Variants in CNTN5 observed in about 807,000 individuals in gnomAD.
CNTN5 encodes the protein contactin 5.
In CNTN5, 77 loss-of-function variants were observed where a neutral mutation model predicts 129.1. That is an observed-to-expected ratio of 0.60 (90% CI 0.50 to 0.72). CNTN5 has a LOEUF of 0.72. Ranked by LOEUF, CNTN5 falls within the 30% of genes least tolerant of loss-of-function variation. CNTN5 has a pLI of 0.00. For missense variants in CNTN5, 1,478 were observed against 1,328.8 expected (o/e 1.11, Z -1.75); for synonymous variants, 509 against 465.6 (o/e 1.09, Z -1.20).
At chr11:99,934,872 CTGTGTGTGTG>C (rs369560126) in intron 7 of CNTN5, among the ~76,000 whole-genome samples, 4 of 50,120 alleles carry the variant, frequency 8.0e-5, no homozygotes, top group Admixed American at 2.6e-4. Context: ...GAGACTCAGT[CTGTGTGTGTG>C]TGTGTGTGTG....
intron 24 of CNTN5, among the ~76,000 whole-genome samples, chr11:100,355,547 G>A (rs182174762): frequency 7.9e-4 from 120 of 151,844 alleles, no homozygotes; most frequent in Non-Finnish European, 1.0e-3. Context: ...TACATTATAC[G>A]TTTATACAAC....
intron 6 of CNTN5, among the ~76,000 whole-genome samples, chr11:99,902,589 CA>C (rs1754223742): frequency 6.6e-6 from 1 of 152,022 alleles, no homozygotes; most frequent in African/African-American, 2.4e-5. Flanking sequence ...AAAACAGAAG[CA>C]AAAATCAAAA....
chr11:100,044,616 TTG>T (rs1289902284), intron 9 of CNTN5, among the ~76,000 whole-genome samples: 1 of 152,088 alleles, frequency 6.6e-6, no homozygotes, highest in Admixed American at 6.6e-5. Context: ...TTGGCCATTT[TTG>T]TGTCTTTTTT....
At chr11:100,168,329 T>TAGAGA (rs1376466397) in intron 13 of CNTN5, among the ~76,000 whole-genome samples, 2 of 151,940 alleles carry the variant, frequency 1.3e-5, no homozygotes, top group African/African-American at 4.8e-5. Context: ...CTTCCAAAGC[T>TAGAGA]AGAGAAGAGA....
At chr11:99,244,271 T>C (rs1861711535) in intron 1 of CNTN5, among the ~76,000 whole-genome samples, 1 of 152,188 alleles carries the variant, frequency 6.6e-6, no homozygotes, top group Non-Finnish European at 1.5e-5. Flanking sequence ...GTCATTGATG[T>C]ATAGAAATGC....
rs538257207 is a variant in CNTN5 at position 99,448,711 on chromosome 11, G to T, written c.-70-107434G>T. On this transcript the variant is annotated intron_variant, in intron 2 of 24. Coordinates refer to ENST00000524871, the MANE Select transcript of CNTN5 (RefSeq NM_014361.4). ...TGAGGCTCAAAAAGTTGCATAATTT[G>T]CCTAAAATTGTACAATTGTTTTTAT... Among the ~76,000 whole-genome samples the T allele has an allele frequency of 1.7e-3, 248 of 149,450 alleles. 2 individuals carry two copies. The highest frequency in any genetic ancestry group is 5.9e-3 in the African/African-American group (235 of 40,072).
chr11:99,913,648 G>T (rs961940), intron 6 of CNTN5, among the ~76,000 whole-genome samples: 3 of 151,918 alleles, frequency 2.0e-5, no homozygotes, highest in African/African-American at 4.8e-5. Flanking sequence ...ACACAATTTA[G>T]GTCATAGTTA....
chr11:99,626,631 T>G (rs1173921902), intron 3 of CNTN5, among the ~76,000 whole-genome samples: 1 of 151,992 alleles, frequency 6.6e-6, no homozygotes, highest in Non-Finnish European at 1.5e-5. Context: ...TGTCATTTTA[T>G]TTTTTTTGTA....
intron 2 of CNTN5, among the ~76,000 whole-genome samples, chr11:99,489,765 T>C (rs886694111): frequency 2.6e-5 from 4 of 152,180 alleles, no homozygotes; most frequent in African/African-American, 9.6e-5. Flanking sequence ...GATGTTATCA[T>C]ATTCCTACTG....
At chr11:99,816,358 C>G (rs1372121104) in intron 3 of CNTN5, among the ~76,000 whole-genome samples, 2 of 152,128 alleles carry the variant, frequency 1.3e-5, no homozygotes, top group South Asian at 4.1e-4. Flanking sequence ...TTCATAATCT[C>G]TCTGACGAAC....
intron 1 of CNTN5, among the ~76,000 whole-genome samples, chr11:99,291,323 G>A (rs1864161419): frequency 6.6e-6 from 1 of 151,648 alleles, no homozygotes; most frequent in Admixed American, 6.6e-5. Flanking sequence ...TGGTATTTTT[G>A]CAAAAATAGG....
chr11:99,159,667 T>C (rs1470124867), intron 1 of CNTN5, among the ~76,000 whole-genome samples: 1 of 152,054 alleles, frequency 6.6e-6, no homozygotes, highest in Non-Finnish European at 1.5e-5. Context: ...TCTAAAAAAC[T>C]CAAGGGAAGC....
At chr11:100,260,274 A>G (rs1246859042) in intron 17 of CNTN5, among the ~76,000 whole-genome samples, 1 of 152,202 alleles carries the variant, frequency 6.6e-6, no homozygotes, top group African/African-American at 2.4e-5. Context: ...ATAAACCAAT[A>G]ACAAGTTCTG....
intron 2 of CNTN5, among the ~76,000 whole-genome samples, chr11:99,514,959 A>G (rs76609359): frequency 0.078 from 11,859 of 152,096 alleles, 633 homozygotes; most frequent in Non-Finnish European, 0.12. Context: ...AAGATATTAG[A>G]CTTTCATCTC....
At chr11:99,051,911 A>C (rs1005172291) in intron 1 of CNTN5, among the ~76,000 whole-genome samples, 6 of 151,900 alleles carry the variant, frequency 3.9e-5, no homozygotes, top group Non-Finnish European at 8.8e-5. Flanking sequence ...TATTATCACT[A>C]GGAGTGTTAG....
chr11:99,994,320 C>A (rs1183372979), intron 8 of CNTN5, among the ~76,000 whole-genome samples: 1 of 151,984 alleles, frequency 6.6e-6, no homozygotes, highest in Non-Finnish European at 1.5e-5. Context: ...AAATGTCGTA[C>A]AACCTTGGTA....
chr11:100,323,199 T>C (rs1951727469), intron 21 of CNTN5, among the ~76,000 whole-genome samples: 1 of 152,226 alleles, frequency 6.6e-6, no homozygotes, highest in Admixed American at 6.5e-5. Flanking sequence ...TACTAGGTTC[T>C]CCAATGTTTA....
intron 3 of CNTN5, among the ~76,000 whole-genome samples, chr11:99,662,778 G>T (rs75742586): frequency 1.4e-3 from 220 of 152,214 alleles, no homozygotes; most frequent in Non-Finnish European, 1.6e-3. Flanking sequence ...AGCATCACCA[G>T]GGCAGTACTT....
At position 99,247,110 on chromosome 11, in the gene CNTN5, A is replaced by G. The variant is rs181031664; in HGVS notation, c.-209-78236A>G. Among the ~76,000 whole-genome samples the G allele has an allele frequency of 1.2e-3, 180 of 152,296 alleles. 2 individuals are homozygous for G. The highest frequency in any genetic ancestry group is 0.01 in the Middle Eastern group (3 of 294). Reference sequence around the variant, plus strand: ...TTTTCTGTGTGTCTGGCCCTGTTTTAGAATACAGAACATTTGTTCAAAACT... The same window carrying G: ...TTTTCTGTGTGTCTGGCCCTGTTTTGGAATACAGAACATTTGTTCAAAACT... On this transcript the variant is annotated intron_variant, in intron 1 of 24. Coordinates refer to ENST00000524871, the MANE Select transcript of CNTN5 (RefSeq NM_014361.4).
Sources: gnomAD v4.1 joint callset for allele counts (sites outside exome capture counted in the v4.1 genomes callset) on GRCh38, gnomAD v4.1.1 for gene constraint, MANE v1.5 for transcripts, NCBI Gene and HGNC (gene_info 2026-07-23, HGNC 2026-07-21) for gene names.